PIK3R2: variants seen among roughly 807,000 people sequenced by gnomAD.
PIK3R2 encodes the protein phosphatidylinositol 3-kinase regulatory subunit beta.
A neutral mutation model predicts 78.5 loss-of-function variants in PIK3R2; 40 were observed. The observed-to-expected ratio is 0.51, with a 90% confidence interval of 0.40 to 0.66. The LOEUF (loss-of-function observed/expected upper bound fraction) is 0.66. PIK3R2 is among the 30% of genes least tolerant of loss of function. The pLI is 0.00. For missense variants in PIK3R2, 880 were observed against 1,026.6 expected, an observed-to-expected ratio of 0.86 and a Z score of 1.95; for synonymous variants, 473 against 457.7, an observed-to-expected ratio of 1.03 and a Z score of -0.43.
intron 7 of PIK3R2, 50 bp downstream of exon 7, chr19:18,162,101 CTGAT>C (rs1452151807): frequency 1.3e-6 from 2 of 1,562,644 alleles, no homozygotes; most frequent in African/African-American, 2.7e-5. Flanking sequence ...GCCGTAAATA[CTGAT>C]CCCTGAGTGC....
chr19:18,169,533 C>T lies in PIK3R2; in HGVS notation c.*239C>T. On this transcript the variant is annotated 3_prime_UTR_variant, in exon 16 of 16. Coordinates refer to ENST00000222254, the MANE Select transcript of PIK3R2 (RefSeq NM_005027.4). ...CCTGTCTCTCTCCATGTTGGGGGTC[C>T]TAACTCCCCCACCCCATATCTACGT... 1 of 331,404 alleles carries T rather than the reference C, an allele frequency of 3.0e-6. No individual in the cohort carries two copies. Among genetic ancestry groups the T allele is most frequent in the Non-Finnish European group, 5.5e-6 (1 of 181,276 alleles). 20.5% of individuals were successfully genotyped at this position (331,404 alleles called of 1,614,324 possible).
chr19:18,168,921 T>C lies in PIK3R2; in HGVS notation c.1979+25T>C, dbSNP rs779165193. 3.7e-6 allele frequency: 6 copies of C among 1,601,764 alleles called. No individual in the cohort carries two copies. In the South Asian group the frequency reaches 6.7e-5, roughly 18 times the overall value. Reference sequence around the variant, plus strand: ...TGTGAGTGGACCGCAGCGGTGGGGATTCCCGCGTCCCTCCCAGAGCTCTCA... The same window carrying C: ...TGTGAGTGGACCGCAGCGGTGGGGACTCCCGCGTCCCTCCCAGAGCTCTCA... On this transcript the variant is annotated intron_variant, in intron 15 of 15. Transcript: ENST00000222254. The surrounding 1 kb of genome is among the most constrained non-coding windows in gnomAD (Gnocchi z 4.1).
chr19:18,155,631 C>T lies in PIK3R2; in HGVS notation c.-249C>T, dbSNP rs897017879. On this transcript the variant is annotated 5_prime_UTR_variant, in exon 2 of 16. Coordinates refer to ENST00000222254, the MANE Select transcript of PIK3R2 (RefSeq NM_005027.4). ...GACTCAATGGCCCAGTGACCTGACA[C>T]CACACCACCAACTCCCTCCCACCAG... 26 of 539,996 alleles carry T rather than the reference C, an allele frequency of 4.8e-5. No homozygotes were observed. Among genetic ancestry groups the T allele is most frequent in the Non-Finnish European group, 8.1e-5 (25 of 308,572 alleles). The allele number at this position is 539,996 out of a possible 1,614,324, so 33.5% of individuals were successfully genotyped here.
In PIK3R2 at chr19:18,161,142, C is replaced by T. The variant is rs1458091463; in HGVS notation, c.555C>T (p.Leu185=). The T allele has an allele frequency of 2.6e-6, 4 of 1,554,378 alleles. No individual in the cohort carries two copies. The highest frequency in any genetic ancestry group is 2.6e-6 in the Non-Finnish European group (3 of 1,149,822). ...TCCTGCTGGCACTGCCCGCGCCGCTCGTGACCCCCGAGGCCTCGGCCGAGG... is the reference window on the plus strand; with the variant it reads ...TCCTGCTGGCACTGCCCGCGCCGCTTGTGACCCCCGAGGCCTCGGCCGAGG... ...KSFLLALPAP[L]VTPEASAEAR... Residue 185 remains leucine, a synonymous_variant, in exon 5 of 16, where the codon CTC becomes CTT. Coordinates refer to ENST00000222254, the MANE Select transcript of PIK3R2 (RefSeq NM_005027.4). This position sits in a 1 kb window ranked among gnomAD's most constrained non-coding sequence, Gnocchi z 5.3.
intron 2 of PIK3R2, among the ~76,000 whole-genome samples, chr19:18,160,038 G>A (rs751673801): frequency 5.9e-5 from 9 of 152,048 alleles, no homozygotes; most frequent in African/African-American, 1.4e-4. Flanking sequence ...CATCCTGGCC[G>A]GCTTTCTCTT....
Position 18,155,922 on chromosome 19 carries a change from T to C in PIK3R2, c.43T>C (p.Phe15Leu), listed in dbSNP as rs2147944643. Residue 15 changes from phenylalanine (F) to leucine (L), a missense_variant, in exon 2 of 16, where the codon TTC becomes CTC. Physicochemically the swap from Phe to Leu is conservative, Grantham distance 22. This residue lies in a region of PIK3R2 where 456 missense variants were observed against 486.6 expected (regional missense o/e 0.94). Transcript: ENST00000222254. ...EGFQYRALYPFRRERPEDLEL... is the reference protein window; with the variant it reads ...EGFQYRALYPLRRERPEDLEL... ...CTTCCAGTACCGCGCTCTGTACCCGTTCCGCCGGGAGCGGCCGGAGGACCT... is the reference window on the plus strand; with the variant it reads ...CTTCCAGTACCGCGCTCTGTACCCGCTCCGCCGGGAGCGGCCGGAGGACCT... 1 of 1,566,952 alleles carries C rather than the reference T, an allele frequency of 6.4e-7. No homozygotes were observed. The highest frequency in any genetic ancestry group is 8.6e-7 in the Non-Finnish European group (1 of 1,156,212).
rs2043841348 is a variant in PIK3R2, at chr19:18,169,101, C to G, written c.1994C>G (p.Thr665Ser). The change falls in exon 16 of 16, where the codon ACC becomes AGC. Residue 665 changes from threonine to serine, a missense_variant. Thr to Ser is a moderately conservative substitution (Grantham distance 58). Transcript: ENST00000222254. ...YACSVVVDGDTKHCVIYRTAT... is the reference protein window; with the variant it reads ...YACSVVVDGDSKHCVIYRTAT... ...TGCCCCCACAGAGTGGACGGCGACA[C>G]CAAGCACTGCGTCATCTACCGCACG... is the stretch of plus-strand genomic sequence containing the variant. The G allele has an allele frequency of 6.2e-7, 1 of 1,611,112 alleles. No individual in the cohort carries two copies.
intron 11 of PIK3R2, 127 bp downstream of exon 11, chr19:18,163,515 T>A: frequency 1.0e-6 from 1 of 967,514 alleles, no homozygotes. Context: ...AGCAGGCACT[T>A]AGCACCAAGG....
At position 18,162,459 on chromosome 19, in the gene PIK3R2, C is replaced by G; in HGVS notation, c.1062C>G (p.Val354=). ...LRDTPDGTFL[V]RDASSKIQGE... ...ACACTCCCGATGGCACCTTCCTAGT[C>G]CGAGATGCTTCTAGCAAGATCCAGG... Residue 354 remains valine, a synonymous_variant, in exon 9 of 16, where the codon GTC becomes GTG. Transcript: ENST00000222254. 1 of 1,613,550 alleles carries G rather than the reference C, an allele frequency of 6.2e-7. No homozygotes were observed. Among genetic ancestry groups the G allele is most frequent in the Non-Finnish European group, 8.5e-7 (1 of 1,179,998 alleles).
chr19:18,156,107 G>T lies in PIK3R2; in HGVS notation c.228G>T (p.Glu76Asp), dbSNP rs769758390. The T allele has an allele frequency of 1.3e-6, 2 of 1,550,486 alleles. No homozygotes were observed. The highest frequency in any genetic ancestry group is 1.7e-6 in the Non-Finnish European group (2 of 1,148,632). Reference protein sequence around the residue: ...QRGDFPGTYVEFLGPVALARP... With the variant: ...QRGDFPGTYVDFLGPVALARP... ...GTGACTTCCCTGGCACCTATGTGGA[G>T]TTCCTGGGGCCCGTGGCCCTGGCCC... The change falls in exon 2 of 16, where the codon GAG (glutamate) becomes GAT (aspartate). Residue 76 changes from glutamate (E) to aspartate (D), a missense_variant. Around this residue, in one of 3 missense-constraint regions of PIK3R2, gnomAD observed 456 missense variants for 486.6 expected, o/e 0.94. Coordinates refer to ENST00000222254, the MANE Select transcript of PIK3R2 (RefSeq NM_005027.4). This position sits in a 1 kb window ranked among gnomAD's most constrained non-coding sequence, Gnocchi z 4.2.
chr19:18,154,913 T>C (rs1175522720), intron 1 of PIK3R2, among the ~76,000 whole-genome samples: 1 of 115,558 alleles, frequency 8.7e-6, no homozygotes, highest in Non-Finnish European at 1.9e-5. Context: ...CCCACCTCTA[T>C]TGGAAAAAAA....
intron 2 of PIK3R2, among the ~76,000 whole-genome samples, chr19:18,158,513 C>CAAAAAA (rs1233680425): frequency 2.7e-5 from 4 of 146,584 alleles, no homozygotes; most frequent in Non-Finnish European, 4.5e-5. Flanking sequence ...ACAACAACAA[C>CAAAAAA]AACAAAAAAC....
chr19:18,168,738 CATGGAGG>C lies in PIK3R2; in HGVS notation c.1823_1829del (p.Met608ThrfsTer27). 1 of 1,611,490 alleles carries C rather than the reference CATGGAGG, an allele frequency of 6.2e-7. No homozygotes were observed. The highest frequency in any genetic ancestry group is 8.5e-7 in the Non-Finnish European group (1 of 1,178,086). ...CCCCCCACCCCAGCCAGTACGCACT[CATGGAGG>C]ACGAGGACGATCTCCCGCACCACGA... is the stretch of plus-strand genomic sequence containing the variant. On this transcript the variant is annotated frameshift_variant, in exon 15 of 16. Coordinates refer to ENST00000222254, the MANE Select transcript of PIK3R2 (RefSeq NM_005027.4). LOFTEE classifies it high-confidence loss of function. The surrounding 1 kb of genome is among the most constrained non-coding windows in gnomAD (Gnocchi z 4.1).
At position 18,160,960 on chromosome 19, in the gene PIK3R2, C is replaced by T; in HGVS notation, c.457C>T (p.Pro153Ser). ...ESHYRPELPA[P>S]RTDWSLSDVD... ...TCACTACCGCCCGGAGCTGCCCGCA[C>T]CGCGTACAGGTGAAGGGGAGCCTCA... The change falls in exon 4 of 16, where the codon CCG becomes TCG. Residue 153 changes from proline (P) to serine (S), a missense_variant. This residue lies in a region of PIK3R2 where 456 missense variants were observed against 486.6 expected (regional missense o/e 0.94). Coordinates refer to ENST00000222254, the MANE Select transcript of PIK3R2 (RefSeq NM_005027.4). The T allele has an allele frequency of 6.2e-7, 1 of 1,612,504 alleles. No individual in the cohort carries two copies. Among genetic ancestry groups the T allele is most frequent in the Non-Finnish European group, 8.5e-7 (1 of 1,179,692 alleles).
In PIK3R2 at chr19:18,156,081, G is replaced by A. The variant is rs868150948; in HGVS notation, c.202G>A (p.Gly68Ser). ...PGLNERTRQR[G>S]DFPGTYVEFL... is the part of the protein sequence containing the mutation. ...CCTCAACGAGCGCACACGGCAGCGA[G>A]GTGACTTCCCTGGCACCTATGTGGA... The change falls in exon 2 of 16, where the codon GGT becomes AGT. Residue 68 changes from glycine (G) to serine (S), a missense_variant. Gly to Ser is a moderately conservative substitution (Grantham distance 56). Transcript: ENST00000222254. This position sits in a 1 kb window ranked among gnomAD's most constrained non-coding sequence, Gnocchi z 4.2. 2 of 1,561,364 alleles carry A rather than the reference G, an allele frequency of 1.3e-6. No individual in the cohort carries two copies. The highest frequency in any genetic ancestry group is 1.7e-6 in the Non-Finnish European group (2 of 1,153,942).
chr19:18,163,160 C>A lies in PIK3R2; in HGVS notation c.1290+13C>A, dbSNP rs1286562057. The A allele has an allele frequency of 6.2e-6, 10 of 1,613,748 alleles. No homozygotes were observed. In the South Asian group the frequency reaches 9.9e-5, roughly 16 times the overall value. ...CAAATACCAGCAGGTCCGTGCTGGCCTGGGAGCCAGGGAGGGTAGCACCTG... is the reference window on the plus strand; with the variant it reads ...CAAATACCAGCAGGTCCGTGCTGGCATGGGAGCCAGGGAGGGTAGCACCTG... On this transcript the variant is annotated intron_variant, in intron 10 of 15. Transcript: ENST00000222254.
Position 18,162,034 on chromosome 19 carries a change from A to C in PIK3R2, c.884A>C (p.Gln295Pro). The C allele has an allele frequency of 6.2e-7, 1 of 1,613,932 alleles. No individual in the cohort carries two copies. Among genetic ancestry groups the C allele is most frequent in the African/African-American group, 1.3e-5 (1 of 75,048 alleles). Residue 295 changes from glutamine (Q) to proline (P), a missense_variant, in exon 7 of 16, where the codon CAG becomes CCG. Transcript: ENST00000222254. ...CTGCTTCAGGAACACTTGGAAGAGCAGGAGGTTGCGCCCCCAGGTGAGTCC... is the reference window on the plus strand; with the variant it reads ...CTGCTTCAGGAACACTTGGAAGAGCCGGAGGTTGCGCCCCCAGGTGAGTCC... ...EKLLQEHLEE[Q>P]EVAPPALPPK... is the part of the protein sequence containing the mutation.
chr19:18,169,301 A>AGGACCCGCCCCAAGC lies in PIK3R2; in HGVS notation c.*8_*22dup, dbSNP rs1333552807. The stretch of plus-strand genomic sequence containing the variant: ...GCCGCCTGCCGCCCGCTGAGCACCG[A>AGGACCCGCCCCAAGC]GGACCCGCCCCAAGCAGAGCCGCCC... On this transcript the variant is annotated 3_prime_UTR_variant, in exon 16 of 16. Coordinates refer to ENST00000222254, the MANE Select transcript of PIK3R2 (RefSeq NM_005027.4). 2.5e-5 allele frequency: 36 copies of AGGACCCGCCCCAAGC among 1,456,542 alleles called. No homozygotes were observed. The highest frequency in any genetic ancestry group is 3.2e-5 in the Non-Finnish European group (36 of 1,111,058). The allele number at this position is 1,456,542 out of a possible 1,614,324, so 90.2% of individuals were successfully genotyped here. A position where few individuals can be genotyped will look rare whatever the true frequency, so the allele number is the denominator to read the frequency against.
rs1816621595 is a variant in PIK3R2 at position 18,169,377 on chromosome 19, C to T, written c.*83C>T. ...CGGCGGCGGGAGCCACGGACCAGACCAGCCACATCCAGGGGTCCTCATTTC... is the reference window on the plus strand; with the variant it reads ...CGGCGGCGGGAGCCACGGACCAGACTAGCCACATCCAGGGGTCCTCATTTC... On this transcript the variant is annotated 3_prime_UTR_variant, in exon 16 of 16. Transcript: ENST00000222254. The T allele has an allele frequency of 3.0e-6, 2 of 673,570 alleles. No homozygotes were observed. The highest frequency in any genetic ancestry group is 3.9e-5 in the East Asian group (1 of 25,624). 41.7% of individuals were successfully genotyped at this position (673,570 alleles called of 1,614,324 possible). A position where few individuals can be genotyped will look rare whatever the true frequency, so the allele number is the denominator to read the frequency against.
Sources: gnomAD v4.1 joint callset for allele counts (sites outside exome capture counted in the v4.1 genomes callset) on GRCh38, gnomAD v4.1.1 for gene constraint, gnomAD v4.1.1 regional missense constraint, Gnocchi (gnomAD v3.1) non-coding constraint, MANE v1.5 for transcripts, NCBI Gene and HGNC (gene_info 2026-07-23, HGNC 2026-07-21) for gene names.